TBC1D30: variants seen among roughly 807,000 people sequenced by gnomAD.
The protein encoded by TBC1D30 is TBC1 domain family member 30.
A neutral mutation model predicts 63.2 loss-of-function variants in TBC1D30; 31 were observed. The observed-to-expected ratio is 0.49, with a 90% CI of 0.37 to 0.66. TBC1D30 has a LOEUF of 0.66. TBC1D30 is among the 30% of genes least tolerant of loss of function. TBC1D30 has a pLI of 0.00. For synonymous variants in TBC1D30, 307 were observed against 361.5 expected, an observed-to-expected ratio of 0.85 and a Z score of 1.71; for missense variants, 810 against 953.6, an observed-to-expected ratio of 0.85 and a Z score of 1.98.
At chr12:64,778,166 A>T (rs943539147), upstream of TBC1D30, among the ~76,000 whole-genome samples, 2 of 152,314 alleles carry the variant, frequency 1.3e-5, no homozygotes, top group South Asian at 4.1e-4. Flanking sequence ...GTCCTTTGCC[A>T]ATACCGCTTC....
At chr12:64,856,565 A>G (rs1877320779) in intron 8 of TBC1D30, among the ~76,000 whole-genome samples, 2 of 152,152 alleles carry the variant, frequency 1.3e-5, no homozygotes, top group South Asian at 4.1e-4. Flanking sequence ...GCCCTCTGGA[A>G]CTGGGAGTGT....
At chr12:64,840,027 A>AC (rs1208343282) in intron 7 of TBC1D30, among the ~76,000 whole-genome samples, 1 of 145,814 alleles carries the variant, frequency 6.9e-6, no homozygotes, top group African/African-American at 2.6e-5. Flanking sequence ...AAAAAAAAAA[A>AC]ATCCACCAAC....
intron 1 of TBC1D30, among the ~76,000 whole-genome samples, chr12:64,782,177 A>G (rs569103920): frequency 7.2e-5 from 11 of 151,886 alleles, no homozygotes; most frequent in Non-Finnish European, 1.5e-5. Context: ...CATTTACAAA[A>G]TGAGGTGACG....
intron 2 of TBC1D30, among the ~76,000 whole-genome samples, chr12:64,800,245 A>C (rs1872526916): frequency 6.6e-6 from 1 of 152,248 alleles, no homozygotes; most frequent in Admixed American, 6.5e-5. Flanking sequence ...TTGGTAATCA[A>C]CAATTGCTAG....
intron 1 of TBC1D30, among the ~76,000 whole-genome samples, chr12:64,765,274 G>A (rs1219136913): frequency 6.6e-6 from 1 of 151,090 alleles, no homozygotes; most frequent in Non-Finnish European, 1.5e-5. Flanking sequence ...GGATCATGAG[G>A]TCAGGAGATC....
chr12:64,775,037 G>A (rs892366846), intron 1 of TBC1D30, among the ~76,000 whole-genome samples: 1 of 151,720 alleles, frequency 6.6e-6, no homozygotes, highest in Non-Finnish European at 1.5e-5. Flanking sequence ...AGGTTGCAGT[G>A]AGCCGAGATT....
chr12:64,869,092 T>A (rs954907801), intron 10 of TBC1D30, among the ~76,000 whole-genome samples: 3 of 152,170 alleles, frequency 2.0e-5, no homozygotes, highest in African/African-American at 7.2e-5. Context: ...AAGCTTTTCT[T>A]TTAGGATATT....
rs2136464948 is a variant in TBC1D30, at chr12:64,866,863, C to T, written c.1251C>T (p.Phe417=). Residue 417 remains phenylalanine, a synonymous_variant, in exon 10 of 12, where the codon TTC becomes TTT. Transcript: ENST00000539867. ...AVGCLGPFSG[F]LAPELQKYQK... is the part of the protein sequence containing the mutation. ...GGTGTCTTGGACCTTTTAGTGGGTT[C>T]CTGGCTCCTGAACTGCAGAAGTACC... 2.6e-6 allele frequency: 4 copies of T among 1,536,130 alleles called. No homozygotes were observed. Among genetic ancestry groups the T allele is most frequent in the Non-Finnish European group, 3.5e-6 (4 of 1,146,910 alleles).
intron 8 of TBC1D30, among the ~76,000 whole-genome samples, chr12:64,843,708 C>T (rs1220510516): frequency 6.6e-6 from 1 of 152,210 alleles, no homozygotes; most frequent in Non-Finnish European, 1.5e-5. Context: ...GACTGTGTTG[C>T]TTAGAAGTCA....
At chr12:64,855,033 T>C (rs1812263747) in intron 8 of TBC1D30, among the ~76,000 whole-genome samples, 1 of 152,214 alleles carries the variant, frequency 6.6e-6, no homozygotes, top group Non-Finnish European at 1.5e-5. Flanking sequence ...GGAAGGTCTT[T>C]ATTCTTCCTT....
chr12:64,766,586 T>C (rs1384811999), intron 1 of TBC1D30, among the ~76,000 whole-genome samples: 1 of 152,080 alleles, frequency 6.6e-6, no homozygotes, highest in Non-Finnish European at 1.5e-5. Flanking sequence ...AATGGACAAC[T>C]CGATAATAGT....
intron 1 of TBC1D30, among the ~76,000 whole-genome samples, chr12:64,782,990 A>T (rs1871368630): frequency 6.6e-6 from 1 of 152,228 alleles, no homozygotes; most frequent in Non-Finnish European, 1.5e-5. Context: ...GTGATGATAC[A>T]GCTGTCTGCG....
chr12:64,805,435 G>A (rs1872804994), intron 2 of TBC1D30, among the ~76,000 whole-genome samples: 1 of 152,186 alleles, frequency 6.6e-6, no homozygotes, highest in South Asian at 2.1e-4. Context: ...GTGGGTTCTG[G>A]AGTCCTGAAT....
At chr12:64,832,635 C>T (rs183782262) in intron 5 of TBC1D30, among the ~76,000 whole-genome samples, 95 of 152,324 alleles carry the variant, frequency 6.2e-4, no homozygotes, top group African/African-American at 2.2e-3. Flanking sequence ...AGTTTCTTTG[C>T]GTCAGAAATC....
chr12:64,791,413 A>G (rs1387222035), intron 2 of TBC1D30, among the ~76,000 whole-genome samples: 1 of 152,256 alleles, frequency 6.6e-6, no homozygotes, highest in Non-Finnish European at 1.5e-5. Context: ...TAATATACCC[A>G]TGGAAGCTTT....
chr12:64,796,420 G>A (rs537694540), intron 2 of TBC1D30, among the ~76,000 whole-genome samples: 22 of 152,188 alleles, frequency 1.4e-4, no homozygotes, highest in African/African-American at 4.8e-4. Context: ...TATATATACA[G>A]CCAGCAGGGG....
intron 6 of TBC1D30, among the ~76,000 whole-genome samples, chr12:64,837,867 C>A (rs1875505920): frequency 6.6e-6 from 1 of 152,102 alleles, no homozygotes; most frequent in Admixed American, 6.5e-5. Context: ...CTGTGAGGAG[C>A]AACCTCAGAT....
chr12:64,795,416 A>T (rs1354901381), intron 2 of TBC1D30, among the ~76,000 whole-genome samples: 1 of 152,152 alleles, frequency 6.6e-6, no homozygotes, highest in Non-Finnish European at 1.5e-5. Flanking sequence ...TCTCTTCAAA[A>T]ATAAGACTCT....
At chr12:64,810,484 T>A (rs1873145822) in intron 2 of TBC1D30, among the ~76,000 whole-genome samples, 1 of 152,138 alleles carries the variant, frequency 6.6e-6, no homozygotes, top group South Asian at 2.1e-4. Context: ...GCGCCTGTAA[T>A]CCCAGCTACT....
Sources: allele counts gnomAD v4.1 joint callset (sites outside exome capture counted in the v4.1 genomes callset), GRCh38; gene constraint gnomAD v4.1.1; transcripts MANE v1.5; gene names NCBI Gene and HGNC (gene_info 2026-07-23, HGNC 2026-07-21).